GLOD4: variants seen among roughly 807,000 people sequenced by gnomAD.
GLOD4 encodes the protein glyoxalase domain-containing protein 4.
Under a neutral mutation model 39.1 loss-of-function variants are expected in GLOD4, and 44 were observed. The observed-to-expected ratio is 1.13, with a 90% CI of 0.88 to 1.45. The LOEUF (loss-of-function observed/expected upper bound fraction) is 1.45. Ranked by LOEUF, GLOD4 falls within the 40% of genes most tolerant of loss-of-function variation. The probability of loss-of-function intolerance (pLI) is 0.00; values close to 1 mark genes in which losing one functional copy is unlikely to be tolerated. For missense variants in GLOD4, 405 were observed against 366.4 expected, an observed-to-expected ratio of 1.11 and a Z score of -0.86; for synonymous variants, 145 against 135.0, an observed-to-expected ratio of 1.07 and a Z score of -0.52.
chr17:765,391 A>G (rs1298543543), intron 8 of GLOD4: 1 of 150,952 alleles, frequency 6.6e-6, no homozygotes, highest in East Asian at 2.1e-4. Flanking sequence ...AGAGGTAAGG[A>G]GAGGTCGCAG....
At chr17:777,693 T>C (rs1688160328) in intron 2 of GLOD4, 3 of 152,354 alleles carry the variant, frequency 2.0e-5, no homozygotes, top group South Asian at 4.1e-4. Context: ...CATGTACTTA[T>C]TTGCATTTGT....
chr17:782,259 T>C lies in GLOD4; in HGVS notation c.-4A>G, dbSNP rs1335854661. ...GCAGAGCTCTGCGAGCAGCCATGAT[T>C]CCCGCCGCACGCAGCCGTCACGCGC... On this transcript the variant is annotated 5_prime_UTR_variant, in exon 1 of 9. Transcript: ENST00000301329. 1 of 1,612,934 alleles carries C rather than the reference T, an allele frequency of 6.2e-7. No homozygotes were observed.
rs113841475 is a variant in GLOD4, at chr17:767,685, G to A, written c.831+2184C>T. 3.3e-3 allele frequency among the ~76,000 whole-genome samples: 495 copies of A among 150,744 alleles called. 4 individuals are homozygous for A. Among genetic ancestry groups the A allele is most frequent in the African/African-American group, 0.011 (446 of 40,940 alleles). On this transcript the variant is annotated intron_variant, in intron 8 of 8. Transcript: ENST00000301329. Reference sequence around the variant, plus strand: ...AGAGGACGTGAGAGAGAGAAACAGCGCGCATTCAGATTTTTAGAAGAAGAA... The same window carrying A: ...AGAGGACGTGAGAGAGAGAAACAGCACGCATTCAGATTTTTAGAAGAAGAA...
At chr17:762,830 G>A (rs1019331132) in intron 8 of GLOD4, among the ~76,000 whole-genome samples, 2 of 152,220 alleles carry the variant, frequency 1.3e-5, no homozygotes, top group Admixed American at 6.5e-5. Flanking sequence ...TCTTAGCCTC[G>A]GTTTCCTCAT....
At chr17:761,941 C>G (rs1340323814) in intron 8 of GLOD4, among the ~76,000 whole-genome samples, 1 of 152,128 alleles carries the variant, frequency 6.6e-6, no homozygotes, top group African/African-American at 2.4e-5. Flanking sequence ...AGTTAGGGGA[C>G]TTAGGGAGGC....
chr17:776,914 G>A lies in GLOD4; in HGVS notation c.215C>T (p.Thr72Ile), dbSNP rs1167769087. The A allele has an allele frequency of 6.2e-7, 1 of 1,611,756 alleles. No homozygotes were observed. ...GTAGTCTCCGACGCCATAATTGTAA[G>A]TCAGTTCTGCGACAAAATGATCATC... ...PEDDHFVAEL[T>I]YNYGVGDYKL... The change falls in exon 3 of 9, where the codon ACT becomes ATT. Residue 72 changes from threonine (T) to isoleucine (I), a missense_variant. Physicochemically the swap from Thr to Ile is moderately conservative, Grantham distance 89 (BLOSUM62 -1). Coordinates refer to ENST00000301329, the MANE Select transcript of GLOD4 (RefSeq NM_016080.4).
At chr17:770,576 T>C (rs760114727) in intron 5 of GLOD4, 69 bp from the exon 6 acceptor site, 61 of 794,942 alleles carry the variant, frequency 7.7e-5, no homozygotes, top group Non-Finnish European at 1.3e-4. Context: ...GGTAGAAAAA[T>C]TCAAATATTA....
In GLOD4 at chr17:782,196, C is replaced by A; in HGVS notation, c.60G>T (p.Ala20=). ...TCCCCAGGACGTCCCGATAGAAACGCGCCGTCTGGAAGCGGTTTCCCACTT... is the reference window on the plus strand; with the variant it reads ...TCCCCAGGACGTCCCGATAGAAACGAGCCGTCTGGAAGCGGTTTCCCACTT... ...VFKVGNRFQT[A]RFYRDVLGMK... The change falls in exon 1 of 9, where the codon GCG becomes GCT. Residue 20 remains alanine, a synonymous_variant. Transcript: ENST00000301329. 6.2e-7 allele frequency: 1 copy of A among 1,612,420 alleles called. No homozygotes were observed. The highest frequency in any genetic ancestry group is 1.1e-5 in the South Asian group (1 of 90,902).
chr17:783,141 C>T (rs1393799287), upstream of GLOD4: 1 of 1,613,926 alleles, frequency 6.2e-7, no homozygotes, highest in Non-Finnish European at 8.5e-7. Flanking sequence ...GAAGATCCTG[C>T]TGGAAGGTCG....
intron 6 of GLOD4, 72 bp downstream of exon 6, chr17:770,349 G>A (rs1343546428): frequency 5.9e-6 from 5 of 847,482 alleles, no homozygotes; most frequent in Non-Finnish European, 8.3e-6. Context: ...CCTCAAGAAG[G>A]GAAGGACAAA....
At chr17:766,306 A>T (rs2740343) in intron 8 of GLOD4, among the ~76,000 whole-genome samples, 132,268 of 151,576 alleles carry the variant, frequency 0.87, 57,944 homozygotes, top group African/African-American at 0.96. Flanking sequence ...TTAAAAAAAA[A>T]AAAATGGGCC....
upstream of GLOD4, chr17:783,056 G>GTTTTT (rs34512506): frequency 1.8e-5 from 25 of 1,352,290 alleles, no homozygotes; most frequent in South Asian, 5.5e-5. Flanking sequence ...ATAGTTACCT[G>GTTTTT]TTTTTTTTTT....
chr17:769,903 T>A lies in GLOD4; in HGVS notation c.797A>T (p.Lys266Met). 1 of 1,610,144 alleles carries A rather than the reference T, an allele frequency of 6.2e-7. No individual in the cohort carries two copies. Among genetic ancestry groups the A allele is most frequent in the Non-Finnish European group, 8.5e-7 (1 of 1,176,342 alleles). ...VGDEAFRELSKMDPEGSKLLD... is the reference protein window; with the variant it reads ...VGDEAFRELSMMDPEGSKLLD... ...CAATTTGCTTCCCTCTGGATCCATCTTAGAAAGTTCTCGAAATGCTTCATC... is the reference window on the plus strand; with the variant it reads ...CAATTTGCTTCCCTCTGGATCCATCATAGAAAGTTCTCGAAATGCTTCATC... The change falls in exon 8 of 9, where the codon AAG (lysine) becomes ATG (methionine). Residue 266 changes from lysine to methionine, a missense_variant. Transcript: ENST00000301329.
chr17:782,324 A>G (rs754462422), upstream of GLOD4: 3 of 1,611,464 alleles, frequency 1.9e-6, no homozygotes, highest in Admixed American at 5.0e-5. Context: ...ACGGGCCGTG[A>G]CGTCACTAGC....
chr17:771,492 T>G (rs750565629), intron 4 of GLOD4, 31 bp from the exon 5 acceptor site: 1 of 1,335,390 alleles, frequency 7.5e-7, no homozygotes, highest in South Asian at 1.4e-5. Context: ...AATAGACAGA[T>G]CAATTTAATA....
At position 775,772 on chromosome 17, in the gene GLOD4, T is replaced by C. The variant is rs773065202; in HGVS notation, c.406+3A>G. ...AGGCTTTTACTGGTTCTGGTATAAT[T>C]ACCTGACTGAGGCAGACTGCGATTC... is the stretch of plus-strand genomic sequence containing the variant. On this transcript the variant is annotated splice_donor_region_variant and intron_variant, in intron 4 of 8. Coordinates refer to ENST00000301329, the MANE Select transcript of GLOD4 (RefSeq NM_016080.4). The C allele has an allele frequency of 6.2e-7, 1 of 1,613,178 alleles. No homozygotes were observed. Among genetic ancestry groups the C allele is most frequent in the Admixed American group, 1.7e-5 (1 of 60,016 alleles).
upstream of GLOD4, among the ~76,000 whole-genome samples, chr17:785,758 T>C (rs527918411): frequency 1.7e-4 from 26 of 152,374 alleles, 1 homozygote; most frequent in East Asian, 5.0e-3. Context: ...TCATATTCTT[T>C]TTCCTAGGAA....
chr17:780,366 C>T (rs1445655060), intron 1 of GLOD4, among the ~76,000 whole-genome samples: 1 of 152,064 alleles, frequency 6.6e-6, no homozygotes, highest in Non-Finnish European at 1.5e-5. Flanking sequence ...GAAGCAATGC[C>T]GACCTGTCCA....
At chr17:768,150 A>T (rs1188195534) in intron 8 of GLOD4, among the ~76,000 whole-genome samples, 1 of 148,350 alleles carries the variant, frequency 6.7e-6, no homozygotes, top group Non-Finnish European at 1.5e-5. Context: ...TTTAGAAGAA[A>T]TCTGGAGAGG....
Sources: allele counts gnomAD v4.1 joint callset (sites outside exome capture counted in the v4.1 genomes callset), GRCh38; gene constraint gnomAD v4.1.1; transcripts MANE v1.5; gene names NCBI Gene and HGNC (gene_info 2026-07-23, HGNC 2026-07-21).